The following FBN3 variants were observed in gnomAD, a reference collection of about 807,000 sequenced individuals.
The protein encoded by FBN3 is fibrillin-3.
In FBN3, 234 loss-of-function variants were observed where a neutral mutation model predicts 330.1. That is an observed-to-expected ratio of 0.71 (90% confidence interval 0.64 to 0.79). The LOEUF is 0.79. Ranked by LOEUF, FBN3 falls within the 30% of genes least tolerant of loss-of-function variation. The pLI is 0.00. For synonymous variants in FBN3, 1,458 were observed against 1,517.3 expected (o/e 0.96, Z 0.91); for missense variants, 3,606 against 3,886.9 (o/e 0.93, Z 1.92).
At position 8,112,038 on chromosome 19, in the gene FBN3, G is replaced by A. The variant is rs1339354589; in HGVS notation, c.3900C>T (p.Ile1300=). Residue 1300 remains isoleucine, a synonymous_variant, in exon 31 of 64, where the codon ATC becomes ATT. Transcript: ENST00000600128. ...NCDSHASCLN[I]PGSFSCRCLP... ...GGCACCTACAGCTGAAACTCCCCGG[G>A]ATGTTGAGACAGGAGGCGTGACTGT... 21 of 1,612,906 alleles carry A rather than the reference G, an allele frequency of 1.3e-5. No homozygotes were observed. The highest frequency in any genetic ancestry group is 1.7e-5 in the Non-Finnish European group (20 of 1,179,506).
chr19:8,126,895 C>A (rs1424194107), intron 18 of FBN3, 63 bp from the exon 19 acceptor site: 5 of 1,499,780 alleles, frequency 3.3e-6, no homozygotes, highest in Non-Finnish European at 3.6e-6. Flanking sequence ...CTGGCCAGGA[C>A]CCCTCCTCCC....
chr19:8,072,110 A>G lies in FBN3; in HGVS notation c.8026T>C (p.Cys2676Arg), dbSNP rs2081527834. The change falls in exon 63 of 64, where the codon TGC becomes CGC. Residue 2676 changes from cysteine to arginine, a missense_variant. Coordinates refer to ENST00000600128, the MANE Select transcript of FBN3 (RefSeq NM_032447.5). ...CGAGGGGAGAGGCCATTGATCTTGC[A>G]TTCGTAGCAGGCTTCAGACGAGAGC... ...ELLSSEACYE[C>R]KINGLSPRDR... 3.1e-6 allele frequency: 5 copies of G among 1,612,278 alleles called. No homozygotes were observed. The highest frequency in any genetic ancestry group is 4.2e-6 in the Non-Finnish European group (5 of 1,179,496).
chr19:8,139,440 A>G (rs1411205556), intron 8 of FBN3, among the ~76,000 whole-genome samples: 1 of 152,180 alleles, frequency 6.6e-6, no homozygotes. Context: ...GTTATCGCAC[A>G]GAGGTAGTGA....
Position 8,147,450 on chromosome 19 carries a change from C to T in FBN3, c.31G>A (p.Gly11Ser). 4.5e-6 allele frequency: 7 copies of T among 1,558,298 alleles called. No homozygotes were observed. Among genetic ancestry groups the T allele is most frequent in the Non-Finnish European group, 6.1e-6 (7 of 1,154,912 alleles). Residue 11 changes from glycine to serine, a missense_variant, in exon 2 of 64, where the codon GGC (glycine) becomes AGC (serine). Coordinates refer to ENST00000600128, the MANE Select transcript of FBN3 (RefSeq NM_032447.5). MTLEGLYLAR[G>S]PLARLLLAWS... The stretch of plus-strand genomic sequence containing the variant: ...GCCAGCAGGAGCCGGGCCAGGGGGC[C>T]CCTTGCCAAATACAGACCCTCCAGA...
chr19:8,094,522 G>A lies in FBN3; in HGVS notation c.5829C>T (p.Gly1943=), dbSNP rs1260222431. 1 of 1,614,032 alleles carries A rather than the reference G, an allele frequency of 6.2e-7. No homozygotes were observed. ...AGGAGCCCTCGAGGTTCTGGCAAGT[G>A]CCGGGTAGGCAGGTTCCTGCAAGGC... ...CLSLAGTCLP[G]TCQNLEGSFR... is the part of the protein sequence containing the mutation. Residue 1943 remains glycine (G), a synonymous_variant, in exon 47 of 64, where the codon GGC becomes GGT. Coordinates refer to ENST00000600128, the MANE Select transcript of FBN3 (RefSeq NM_032447.5).
At position 8,111,141 on chromosome 19, in the gene FBN3, CCG is replaced by C; in HGVS notation, c.4125_4126del (p.Asn1375LysfsTer13). On this transcript the variant is annotated frameshift_variant, in exon 33 of 64. Transcript: ENST00000600128. LOFTEE classifies it high-confidence loss of function. ...CCCGCCGGGCGCATTGAGGCACTGC[CCG>C]TTGTCACAGAGGTCCACGTTCTCGG... 2 of 1,612,792 alleles carry C rather than the reference CCG, an allele frequency of 1.2e-6. No individual in the cohort carries two copies. Among genetic ancestry groups the C allele is most frequent in the Non-Finnish European group, 1.7e-6 (2 of 1,179,290 alleles).
chr19:8,132,688 C>T (rs1204005923), intron 14 of FBN3, among the ~76,000 whole-genome samples: 1 of 151,798 alleles, frequency 6.6e-6, no homozygotes, highest in African/African-American at 2.4e-5. Flanking sequence ...GATGGGGTTT[C>T]ACCATTTTGG....
Position 8,149,326 on chromosome 19 carries a change from G to A in FBN3, c.-18+123C>T, listed in dbSNP as rs1462777967. The stretch of plus-strand genomic sequence containing the variant: ...GGAGAGGGGAGGGGGCTGGGCCCGG[G>A]GCTGCCCGGCTGCGAACAAAGGAAT... On this transcript the variant is annotated intron_variant, in intron 1 of 63. Coordinates refer to ENST00000600128, the MANE Select transcript of FBN3 (RefSeq NM_032447.5). The surrounding 1 kb of genome is among the most constrained non-coding windows in gnomAD (Gnocchi z 5.5). The A allele has an allele frequency of 3.3e-5, 5 of 151,816 alleles. No homozygotes were observed. The highest frequency in any genetic ancestry group is 2.6e-4 in the Admixed American group (4 of 15,240). The allele number at this position is 151,816 out of a possible 1,614,324, so 9.4% of individuals were successfully genotyped here. A position where few individuals can be genotyped will look rare whatever the true frequency, so the allele number is the denominator to read the frequency against.
In FBN3 at chr19:8,066,028, C is replaced by A. The variant is rs139098536; in HGVS notation, c.8321G>T (p.Arg2774Leu). 6.2e-7 allele frequency: 1 copy of A among 1,613,110 alleles called. No individual in the cohort carries two copies. ...GRRRPGPGTY[R>L]LEVVSHMAGP... Reference sequence around the variant, plus strand: ...TGCCATGTGGCTCACCACCTCCAGCCGGTAGGTTCCAGGCCCCGGCCGCCT... The same window carrying A: ...TGCCATGTGGCTCACCACCTCCAGCAGGTAGGTTCCAGGCCCCGGCCGCCT... Residue 2774 changes from arginine to leucine, a missense_variant, in exon 64 of 64, where the codon CGG becomes CTG. By Grantham distance (102) the Arg-to-Leu change is moderately radical. Transcript: ENST00000600128.
Position 8,129,829 on chromosome 19 carries a change from G to A in FBN3, c.2045-464C>T, listed in dbSNP as rs368388693. 1.3e-3 allele frequency among the ~76,000 whole-genome samples: 191 copies of A among 152,232 alleles called. No homozygotes were observed. Among genetic ancestry groups the A allele is most frequent in the African/African-American group, 4.3e-3 (178 of 41,552 alleles). On this transcript the variant is annotated intron_variant, in intron 16 of 63. Coordinates refer to ENST00000600128, the MANE Select transcript of FBN3 (RefSeq NM_032447.5). The surrounding 1 kb of genome is among the most constrained non-coding windows in gnomAD (Gnocchi z 4.5). ...TCCCACCACTTTGGGAGGCTGAGGT[G>A]GGAGGATTGCTTGAGCCCAGGAGTT...
Position 8,072,166 on chromosome 19 carries a change from C to G in FBN3, c.7970G>C (p.Gly2657Ala). Reference protein sequence around the residue: ...HCVSGLGFSPGPQDTPDKEEL... With the variant: ...HCVSGLGFSPAPQDTPDKEEL... ...CTCTTTGTCCGGGGTGTCCTGGGGT[C>G]CGGGGCTGAAGCCCAGGCCGGAGAC... Residue 2657 changes from glycine (G) to alanine (A), a missense_variant, in exon 63 of 64, where the codon GGA becomes GCA. Physicochemically the swap from Gly to Ala is moderately conservative, Grantham distance 60 (BLOSUM62 0). Coordinates refer to ENST00000600128, the MANE Select transcript of FBN3 (RefSeq NM_032447.5). 1 of 1,586,036 alleles carries G rather than the reference C, an allele frequency of 6.3e-7. No homozygotes were observed. Among genetic ancestry groups the G allele is most frequent in the South Asian group, 1.1e-5 (1 of 87,116 alleles).
Position 8,097,377 on chromosome 19 carries a change from G to A in FBN3, c.5199C>T (p.Ala1733=), listed in dbSNP as rs773089092. The stretch of plus-strand genomic sequence containing the variant: ...CGATCTGGTTTATGCAGATGCCATT[G>A]GCACAGATGGCGGGGATCTCCCCAC... ...DECGEIPAIC[A]NGICINQIGS... The change falls in exon 42 of 64, where the codon GCC becomes GCT. Residue 1733 remains alanine, a synonymous_variant. Coordinates refer to ENST00000600128, the MANE Select transcript of FBN3 (RefSeq NM_032447.5). 3.8e-5 allele frequency: 61 copies of A among 1,605,396 alleles called. No individual in the cohort carries two copies. In the Admixed American group the frequency reaches 9.2e-4, roughly 24 times the overall value.
Position 8,066,003 on chromosome 19 carries a change from T to C in FBN3, c.8346A>G (p.Ala2782=), listed in dbSNP as rs765188901. Residue 2782 remains alanine, a synonymous_variant, in exon 64 of 64, where the codon GCA becomes GCG. Coordinates refer to ENST00000600128, the MANE Select transcript of FBN3 (RefSeq NM_032447.5). ...CCTCTGGCTGGACACCCCAGGGTCC[T>C]GCCATGTGGCTCACCACCTCCAGCC... ...TYRLEVVSHM[A]GPWGVQPEGQ... 6 of 1,612,878 alleles carry C rather than the reference T, an allele frequency of 3.7e-6. No individual in the cohort carries two copies. In the East Asian group the frequency reaches 1.3e-4, roughly 36 times the overall value.
intron 30 of FBN3, among the ~76,000 whole-genome samples, chr19:8,113,867 G>A (rs1017341391): frequency 6.7e-6 from 1 of 148,620 alleles, no homozygotes; most frequent in African/African-American, 2.5e-5. Flanking sequence ...AATTAGCTGA[G>A]TGTGGCGGCA....
At chr19:8,128,846 T>G (rs1316958312) in intron 18 of FBN3, among the ~76,000 whole-genome samples, 182 bp downstream of exon 18, 2 of 152,056 alleles carry the variant, frequency 1.3e-5, no homozygotes, top group African/African-American at 2.4e-5. Flanking sequence ...TCATGCAACA[T>G]GTGAGTATCT....
intron 13 of FBN3, among the ~76,000 whole-genome samples, chr19:8,134,012 G>A (rs2083217274): frequency 1.3e-5 from 2 of 150,732 alleles, no homozygotes; most frequent in East Asian, 2.0e-4. Context: ...AGATCACGAG[G>A]TCAGGAGATC....
intron 63 of FBN3, among the ~76,000 whole-genome samples, chr19:8,067,066 C>T (rs1693346848): frequency 1.3e-5 from 2 of 151,692 alleles, no homozygotes; most frequent in Middle Eastern, 3.5e-3. Context: ...AATCCCAGCA[C>T]TTTTGGAGGC....
intron 23 of FBN3, 25 bp from the exon 24 acceptor site, chr19:8,123,614 C>T: frequency 6.2e-7 from 1 of 1,612,246 alleles, no homozygotes; most frequent in Non-Finnish European, 8.5e-7. Context: ...CATCAAACCA[C>T]CCTGACGTCC....
At chr19:8,087,996 C>A in intron 52 of FBN3, 49 bp from the exon 53 acceptor site, 1 of 1,614,024 alleles carries the variant, frequency 6.2e-7, no homozygotes, top group Non-Finnish European at 8.5e-7. Flanking sequence ...GAGGGCGGGA[C>A]CTCCACTCCC....
Sources: allele counts gnomAD v4.1 joint callset (sites outside exome capture counted in the v4.1 genomes callset), GRCh38; gene constraint gnomAD v4.1.1; non-coding constraint Gnocchi (gnomAD v3.1); transcripts MANE v1.5; gene names NCBI Gene and HGNC (gene_info 2026-07-23, HGNC 2026-07-21).